The following UGT1A9 variants were observed in gnomAD, a reference collection of about 807,000 sequenced individuals.
UGT1A9 encodes UDP-glucuronosyltransferase 1A9.
In UGT1A9, 35 loss-of-function variants were observed where a neutral mutation model predicts 45.0. That is an observed-to-expected ratio of 0.78 (90% CI 0.59 to 1.03). UGT1A9 has a LOEUF of 1.03. Ranked by LOEUF, UGT1A9 falls within the 50% of genes least tolerant of loss-of-function variation. The pLI is 0.00. For synonymous variants in UGT1A9, 278 were observed against 250.6 expected (o/e 1.11, Z -1.03); for missense variants, 687 against 666.6 (o/e 1.03, Z -0.34).
rs1041496963 is a variant in UGT1A9, at chr2:233,755,204, C to T, written c.856-11830C>T. On this transcript the variant is annotated intron_variant, in intron 1 of 4. Coordinates refer to ENST00000354728, the MANE Select transcript of UGT1A9 (RefSeq NM_021027.3). ...GCCACTTGAGCGCCAGCTTGCGGTA[C>T]GCCTTCTTGATACCCTCGGACGAGG... The T allele has an allele frequency of 2.6e-4, 287 of 1,089,324 alleles. 1 individual carries two copies. Among genetic ancestry groups the T allele is most frequent in the Non-Finnish European group, 3.4e-4 (263 of 769,354 alleles). 67.5% of individuals were successfully genotyped at this position (1,089,324 alleles called of 1,614,324 possible).
intron 1 of UGT1A9, chr2:233,743,981 G>GC: frequency 1.5e-6 from 2 of 1,297,888 alleles, no homozygotes; most frequent in Non-Finnish European, 2.0e-6. Flanking sequence ...CAGCACCCAG[G>GC]CGCAGGCCCG....
chr2:233,699,013 G>A (rs541492586), intron 1 of UGT1A9, among the ~76,000 whole-genome samples: 2 of 152,354 alleles, frequency 1.3e-5, no homozygotes, highest in South Asian at 4.1e-4. Flanking sequence ...GAACATGAGA[G>A]GCTGAGCCAC....
intron 1 of UGT1A9, chr2:233,743,514 G>T (rs753191882): frequency 7.3e-7 from 1 of 1,367,256 alleles, no homozygotes; most frequent in Non-Finnish European, 9.8e-7. Flanking sequence ...CAGACGCTCT[G>T]CTTCTGCTTC....
chr2:233,716,263 C>T (rs188566072), intron 1 of UGT1A9, among the ~76,000 whole-genome samples: 1 of 152,170 alleles, frequency 6.6e-6, no homozygotes, highest in Admixed American at 6.5e-5. Flanking sequence ...CATAATCTCC[C>T]CATGTCAAAA....
At chr2:233,737,806 C>T (rs575024235) in intron 1 of UGT1A9, among the ~76,000 whole-genome samples, 1 of 152,098 alleles carries the variant, frequency 6.6e-6, no homozygotes, top group Non-Finnish European at 1.5e-5. Context: ...TCACTATCAT[C>T]TCAGTGGAGC....
intron 1 of UGT1A9, among the ~76,000 whole-genome samples, chr2:233,753,843 T>A (rs529676681): frequency 6.6e-6 from 1 of 152,338 alleles, no homozygotes; most frequent in South Asian, 2.1e-4. Flanking sequence ...TCCTAGTATA[T>A]CATTGACCAA....
intron 1 of UGT1A9, among the ~76,000 whole-genome samples, chr2:233,734,449 A>ATTTTCTTGATC (rs200649315): frequency 0.065 from 9,832 of 151,068 alleles, 532 homozygotes; most frequent in African/African-American, 0.16. Context: ...AGGTCTATCA[A>ATTTTCTTGATC]TTTTCAAAAT....
intron 1 of UGT1A9, among the ~76,000 whole-genome samples, chr2:233,704,952 A>G (rs1012148200): frequency 3.3e-5 from 5 of 152,108 alleles, no homozygotes; most frequent in African/African-American, 4.8e-5. Context: ...CCTGGCCAAC[A>G]TGGTGAAACC....
chr2:233,675,981 TA>T (rs113395293), intron 1 of UGT1A9, among the ~76,000 whole-genome samples: 2 of 152,306 alleles, frequency 1.3e-5, no homozygotes, highest in African/African-American at 4.8e-5. Flanking sequence ...CATCTTTCCA[TA>T]CAGATCAATG....
chr2:233,704,728 A>G (rs1466296326), intron 1 of UGT1A9, among the ~76,000 whole-genome samples: 1 of 152,076 alleles, frequency 6.6e-6, no homozygotes, highest in Non-Finnish European at 1.5e-5. Context: ...TTTGCTCCCA[A>G]CTGCCTCCCT....
chr2:233,762,209 C>T (rs914722298), intron 1 of UGT1A9, among the ~76,000 whole-genome samples: 1 of 152,104 alleles, frequency 6.6e-6, no homozygotes, highest in Non-Finnish European at 1.5e-5. Flanking sequence ...ATGTATTTGG[C>T]GCCCCATAAA....
rs1257445650 is a variant in UGT1A9, at chr2:233,733,217, A to G, written c.856-33817A>G. Among the ~76,000 whole-genome samples, 5 of 152,274 alleles carry G rather than the reference A, an allele frequency of 3.3e-5. 1 individual carries two copies. The highest frequency in any genetic ancestry group is 2.0e-4 in the Admixed American group (3 of 15,300). On this transcript the variant is annotated intron_variant, in intron 1 of 4. Coordinates refer to ENST00000354728, the MANE Select transcript of UGT1A9 (RefSeq NM_021027.3). ...CTTAAGGAGACTTTGGGCTGAGACA[A>G]TGGGGTTTTCTAAATATACAATCAT...
chr2:233,685,436 G>A (rs2074738405), intron 1 of UGT1A9, among the ~76,000 whole-genome samples: 2 of 151,396 alleles, frequency 1.3e-5, no homozygotes, highest in African/African-American at 2.4e-5. Context: ...TAAAGAATTC[G>A]AGCTGAATCT....
intron 1 of UGT1A9, among the ~76,000 whole-genome samples, chr2:233,737,497 A>G (rs1575619064): frequency 6.6e-6 from 1 of 152,008 alleles, no homozygotes. Context: ...GAAATCCCTC[A>G]CCCTCTTGCA....
At chr2:233,675,064 T>G (rs758014879) in intron 1 of UGT1A9, among the ~76,000 whole-genome samples, 1 of 152,130 alleles carries the variant, frequency 6.6e-6, no homozygotes, top group Non-Finnish European at 1.5e-5. Context: ...TGCAGGTGTG[T>G]TTGTGTGCAG....
rs549328655 is a variant in UGT1A9 at position 233,768,346 on chromosome 2, T to C, written c.1202T>C (p.Met401Thr). 31 of 1,614,146 alleles carry C rather than the reference T, an allele frequency of 1.9e-5. No individual in the cohort carries two copies. Among genetic ancestry groups the C allele is most frequent in the Non-Finnish European group, 2.5e-5 (30 of 1,180,016 alleles). ...GATCAGATGGACAATGCAAAGCGCA[T>C]GGAGACTAAGGGAGCTGGAGTGACC... ...FGDQMDNAKR[M>T]ETKGAGVTLN... Residue 401 changes from methionine to threonine, a missense_variant, in exon 4 of 5, where the codon ATG becomes ACG. Physicochemically the swap from Met to Thr is moderately conservative, Grantham distance 81 (BLOSUM62 -1). Transcript: ENST00000354728.
At chr2:233,760,708 G>A in intron 1 of UGT1A9, 2 of 1,614,172 alleles carry the variant, frequency 1.2e-6, no homozygotes, top group East Asian at 2.2e-5. Context: ...GGCCTCCCTG[G>A]CAGAAAGCAG....
intron 1 of UGT1A9, among the ~76,000 whole-genome samples, chr2:233,695,913 C>T (rs1176946557): frequency 6.6e-6 from 1 of 152,022 alleles, no homozygotes; most frequent in African/African-American, 2.4e-5. Context: ...TTTTTTTTCT[C>T]CACACACCAA....
At chr2:233,731,639 A>T (rs2078185645) in intron 1 of UGT1A9, among the ~76,000 whole-genome samples, 1 of 152,176 alleles carries the variant, frequency 6.6e-6, no homozygotes, top group Non-Finnish European at 1.5e-5. Flanking sequence ...GCTGCATAGT[A>T]TTCCATGGTG....
Sources: allele counts gnomAD v4.1 joint callset (sites outside exome capture counted in the v4.1 genomes callset), GRCh38; gene constraint gnomAD v4.1.1; transcripts MANE v1.5; gene names NCBI Gene and HGNC (gene_info 2026-07-23, HGNC 2026-07-21).